Variants in RBFOX1 observed in about 807,000 individuals in gnomAD.
RBFOX1 encodes RNA binding protein fox-1 homolog 1.
RBFOX1 carries 8 observed loss-of-function variants against 57.7 expected under a neutral mutation model. The observed-to-expected ratio is 0.14, with a 90% confidence interval of 0.08 to 0.25. RBFOX1 has a LOEUF of 0.25. RBFOX1 is among the 10% of genes least tolerant of loss of function. The pLI, the probability that RBFOX1 is intolerant of heterozygous loss-of-function variation, is 1.00. For synonymous variants in RBFOX1, 326 were observed against 222.4 expected (o/e 1.47, Z -4.15); for missense variants, 611 against 548.5 (o/e 1.11, Z -1.14).
chr16:6,719,327 C>T (rs927360988), intron 3 of RBFOX1, among the ~76,000 whole-genome samples: 4 of 152,088 alleles, frequency 2.6e-5, no homozygotes, highest in African/African-American at 4.8e-5. Context: ...AAAGCAATCA[C>T]ATCAATTAAA....
intron 2 of RBFOX1, among the ~76,000 whole-genome samples, chr16:6,541,130 G>A (rs888990654): frequency 3.9e-5 from 6 of 152,170 alleles, no homozygotes; most frequent in Non-Finnish European, 7.3e-5. Flanking sequence ...AAAATAACCT[G>A]AGTGTTCACA....
chr16:5,264,060 C>G (rs755923931), intron 1 of RBFOX1, among the ~76,000 whole-genome samples: 27 of 151,966 alleles, frequency 1.8e-4, no homozygotes, highest in Non-Finnish European at 2.6e-4. Context: ...GAGCACATTA[C>G]AAGAAGAAGG....
At chr16:7,622,581 CAAAAT>C (rs1273113775) in intron 10 of RBFOX1, among the ~76,000 whole-genome samples, 3 of 150,648 alleles carry the variant, frequency 2.0e-5, no homozygotes, top group Non-Finnish European at 3.0e-5. Flanking sequence ...CAAGTTATGT[CAAAAT>C]AAAAAGCAAA....
chr16:6,016,591 A>C (rs1239327451), upstream of RBFOX1, among the ~76,000 whole-genome samples: 9 of 152,236 alleles, frequency 5.9e-5, no homozygotes, highest in Non-Finnish European at 1.2e-4. Context: ...ACAAGGCTAC[A>C]AAGTCCTTGT....
intron 1 of RBFOX1, among the ~76,000 whole-genome samples, chr16:5,249,666 G>T (rs2062396678): frequency 2.0e-5 from 3 of 152,164 alleles, no homozygotes; most frequent in Admixed American, 2.0e-4. Context: ...TTGTTCATTT[G>T]TAAAGAATTC....
intron 4 of RBFOX1, among the ~76,000 whole-genome samples, chr16:7,474,896 C>T (rs1306466488): frequency 1.3e-5 from 2 of 152,174 alleles, no homozygotes; most frequent in African/African-American, 2.4e-5. Context: ...TCATCCACTT[C>T]GTCTCATATA....
intron 4 of RBFOX1, among the ~76,000 whole-genome samples, chr16:7,106,531 C>A (rs2063613714): frequency 6.6e-6 from 1 of 151,984 alleles, no homozygotes; most frequent in African/African-American, 2.4e-5. Flanking sequence ...CTACTTGTTG[C>A]CTTTTGGCTT....
intron 1 of RBFOX1, among the ~76,000 whole-genome samples, chr16:6,113,087 T>TAAG (rs969421854): frequency 6.6e-6 from 1 of 152,186 alleles, no homozygotes; most frequent in Non-Finnish European, 1.5e-5. Context: ...AGTCTGTGGA[T>TAAG]AAGCAGGCAT....
intron 1 of RBFOX1, among the ~76,000 whole-genome samples, chr16:6,100,556 G>T (rs764941150): frequency 1.6e-4 from 25 of 152,126 alleles, no homozygotes; most frequent in Non-Finnish European, 3.2e-4. Flanking sequence ...TTTGATTGAA[G>T]GTGCATTCAA....
intron 3 of RBFOX1, among the ~76,000 whole-genome samples, chr16:6,719,890 C>T (rs777696432): frequency 2.0e-5 from 3 of 151,736 alleles, no homozygotes; most frequent in Non-Finnish European, 4.4e-5. Flanking sequence ...GTCAGGAGTT[C>T]GAGACCAGCC....
chr16:5,752,058 G>A (rs889677450), intron 3 of RBFOX1, among the ~76,000 whole-genome samples: 10 of 152,172 alleles, frequency 6.6e-5, no homozygotes, highest in South Asian at 2.1e-4. Flanking sequence ...TAGAGAAAAT[G>A]TATGCATATA....
At chr16:6,122,639 G>C (rs2096559588) in intron 1 of RBFOX1, among the ~76,000 whole-genome samples, 1 of 152,084 alleles carries the variant, frequency 6.6e-6, no homozygotes, top group Admixed American at 6.5e-5. Context: ...GACAGTGGGT[G>C]GCCAATGTGC....
At chr16:7,014,250 G>C (rs530980498) in intron 3 of RBFOX1, among the ~76,000 whole-genome samples, 1 of 151,176 alleles carries the variant, frequency 6.6e-6, no homozygotes, top group Admixed American at 6.6e-5. Context: ...TCGCTCTGTC[G>C]CCCAGGCTGG....
chr16:7,233,477 G>C (rs181785212), intron 4 of RBFOX1, among the ~76,000 whole-genome samples: 4 of 152,314 alleles, frequency 2.6e-5, no homozygotes, highest in Middle Eastern at 3.4e-3. Context: ...ATACATGGTA[G>C]ACAGCAGGCC....
At chr16:5,258,203 T>G (rs763964046) in intron 1 of RBFOX1, among the ~76,000 whole-genome samples, 1 of 152,116 alleles carries the variant, frequency 6.6e-6, no homozygotes, top group Non-Finnish European at 1.5e-5. Context: ...TTATTATTAT[T>G]ATGAAAAATT....
At chr16:6,150,494 C>T (rs1023319724) in intron 1 of RBFOX1, among the ~76,000 whole-genome samples, 1 of 152,092 alleles carries the variant, frequency 6.6e-6, no homozygotes, top group Non-Finnish European at 1.5e-5. Context: ...AAATTAGTGC[C>T]TATGTTGACC....
chr16:6,551,749 C>T (rs750689855), intron 2 of RBFOX1, among the ~76,000 whole-genome samples: 3 of 152,122 alleles, frequency 2.0e-5, no homozygotes, highest in Non-Finnish European at 2.9e-5. Context: ...AATAAGGCAG[C>T]AGTTGTGGAC....
chr16:7,061,287 T>G (rs2153746894), intron 4 of RBFOX1, among the ~76,000 whole-genome samples: 1 of 152,312 alleles, frequency 6.6e-6, no homozygotes, highest in Non-Finnish European at 1.5e-5. Context: ...AATGTCATCT[T>G]CACAAGACCT....
intron 3 of RBFOX1, among the ~76,000 whole-genome samples, chr16:6,682,386 C>G (rs540526948): frequency 6.6e-6 from 1 of 151,948 alleles, no homozygotes; most frequent in South Asian, 2.1e-4. Context: ...GCCGATTGCC[C>G]CTTCTTGGGG....
Sources: gnomAD v4.1 joint callset for allele counts (sites outside exome capture counted in the v4.1 genomes callset) on GRCh38, gnomAD v4.1.1 for gene constraint, MANE v1.5 for transcripts, NCBI Gene and HGNC (gene_info 2026-07-23, HGNC 2026-07-21) for gene names.